Variants in SVIL observed in about 807,000 individuals in gnomAD.
The protein encoded by SVIL is archvillin.
Under a neutral mutation model 240.4 loss-of-function variants are expected in SVIL, and 101 were observed. That is an observed-to-expected ratio of 0.42 (90% CI 0.36 to 0.50). The LOEUF is 0.50. SVIL is among the 20% of genes least tolerant of loss of function. The pLI is 0.01. For synonymous variants in SVIL, 999 were observed against 1,100.0 expected (o/e 0.91, Z 1.82); for missense variants, 2,512 against 2,818.7 (o/e 0.89, Z 2.46).
At chr10:29,459,072 CCTG>C (rs1943916267) in intron 36 of SVIL, among the ~76,000 whole-genome samples, 1 of 150,224 alleles carries the variant, frequency 6.7e-6, no homozygotes, top group Non-Finnish European at 1.5e-5. Context: ...AAGCGATCCT[CCTG>C]CTGGGATTAC....
chr10:29,539,189 A>AAAT (rs1951959539), intron 6 of SVIL, among the ~76,000 whole-genome samples: 1 of 152,026 alleles, frequency 6.6e-6, no homozygotes, highest in African/African-American at 2.4e-5. Flanking sequence ...ATAAATAAAT[A>AAAT]AATAAATAAA....
chr10:29,657,328 G>A (rs149899731), intron 3 of SVIL, among the ~76,000 whole-genome samples: 2 of 152,274 alleles, frequency 1.3e-5, no homozygotes, highest in East Asian at 3.9e-4. Flanking sequence ...ATAGTTCCAT[G>A]GAACTCTGGT....
chr10:29,668,230 G>A (rs1304724249), intron 2 of SVIL, among the ~76,000 whole-genome samples: 1 of 152,132 alleles, frequency 6.6e-6, no homozygotes, highest in Non-Finnish European at 1.5e-5. Context: ...ACCAGAGTGA[G>A]ACCCTGTCTC....
At chr10:29,462,580 C>T (rs1445298933) in intron 35 of SVIL, among the ~76,000 whole-genome samples, 179 bp from the exon 36 acceptor site, 3 of 152,222 alleles carry the variant, frequency 2.0e-5, no homozygotes, top group East Asian at 1.9e-4. Context: ...TAGTTTCATG[C>T]CTGTGACTAC....
intron 2 of SVIL, among the ~76,000 whole-genome samples, chr10:29,566,980 C>T (rs1955025792): frequency 6.6e-6 from 1 of 152,198 alleles, no homozygotes; most frequent in African/African-American, 2.4e-5. Context: ...TCCATAGATA[C>T]TAAAGTTAGT....
At chr10:29,728,456 C>T (rs999954769) in intron 1 of SVIL, among the ~76,000 whole-genome samples, 2 of 152,144 alleles carry the variant, frequency 1.3e-5, no homozygotes, top group African/African-American at 2.4e-5. Context: ...TACATAAAAA[C>T]TTTGATAGGG....
chr10:29,525,730 T>A (rs1391556149), intron 13 of SVIL, among the ~76,000 whole-genome samples: 1 of 152,188 alleles, frequency 6.6e-6, no homozygotes, highest in Non-Finnish European at 1.5e-5. Context: ...ATGCACTATA[T>A]CTTCTGTCCC....
At position 29,554,889 on chromosome 10, in the gene SVIL, A is replaced by G. The variant is rs1377635958; in HGVS notation, c.54T>C (p.Thr18=). 2.5e-6 allele frequency: 4 copies of G among 1,613,612 alleles called. No individual in the cohort carries two copies. The highest frequency in any genetic ancestry group is 2.2e-5 in the East Asian group (1 of 44,850). ...ARRLEGIEND[T]QPILLQSCTG... ...TGCAGCTCTGCAAGAGGATGGGCTG[A>G]GTGTCATTTTCAATCCCTTCCAGGC... is the stretch of plus-strand genomic sequence containing the variant. Residue 18 remains threonine (T), a synonymous_variant, in exon 5 of 38, where the codon ACT becomes ACC. Transcript: ENST00000355867.
intron 1 of SVIL, among the ~76,000 whole-genome samples, chr10:29,712,994 T>G (rs1963392585): frequency 6.6e-6 from 1 of 152,052 alleles, no homozygotes; most frequent in African/African-American, 2.4e-5. Flanking sequence ...CTGGCCAACA[T>G]GGTGAAACCC....
chr10:29,553,449 C>T lies in SVIL; in HGVS notation c.160+1334G>A, dbSNP rs552820766. The stretch of plus-strand genomic sequence containing the variant: ...CAAAAAAATTAGCCCGGTATGGTGG[C>T]GGGCACCTGTAATCCCAGCTACTCC... On this transcript the variant is annotated intron_variant, in intron 5 of 37. Coordinates refer to ENST00000355867, the MANE Select transcript of SVIL (RefSeq NM_021738.3). Among the ~76,000 whole-genome samples, 15 of 152,124 alleles carry T rather than the reference C, an allele frequency of 9.9e-5. No homozygotes were observed. The South Asian group carries it at 1.5e-3, about 15-fold the overall frequency.
chr10:29,645,719 G>C (rs1379456246), intron 3 of SVIL, among the ~76,000 whole-genome samples: 1 of 152,210 alleles, frequency 6.6e-6, no homozygotes, highest in Non-Finnish European at 1.5e-5. Context: ...CTCCCATAGA[G>C]ACTCAGGCCA....
intron 1 of SVIL, among the ~76,000 whole-genome samples, chr10:29,633,631 C>T (rs1432535099): frequency 2.0e-5 from 3 of 151,674 alleles, no homozygotes; most frequent in Non-Finnish European, 4.4e-5. Flanking sequence ...ACTGCCCGTA[C>T]TTGTCCATCT....
At chr10:29,598,032 C>T (rs961914921) in intron 1 of SVIL, among the ~76,000 whole-genome samples, 6 of 152,016 alleles carry the variant, frequency 3.9e-5, no homozygotes, top group Non-Finnish European at 5.9e-5. Context: ...GTCAACAAAA[C>T]GTGGTGTATC....
At chr10:29,604,699 G>T (rs1956952662) in intron 1 of SVIL, among the ~76,000 whole-genome samples, 1 of 151,844 alleles carries the variant, frequency 6.6e-6, no homozygotes, top group South Asian at 2.1e-4. Context: ...GAAGTAGCTA[G>T]GTCTACAGGT....
At chr10:29,557,887 A>G (rs537409280) in intron 3 of SVIL, among the ~76,000 whole-genome samples, 17 of 152,322 alleles carry the variant, frequency 1.1e-4, no homozygotes, top group African/African-American at 3.6e-4. Flanking sequence ...GAGAGCTCCC[A>G]GATCACTATG....
chr10:29,653,934 C>T (rs1415105797), intron 3 of SVIL, among the ~76,000 whole-genome samples: 1 of 152,048 alleles, frequency 6.6e-6, no homozygotes, highest in East Asian at 1.9e-4. Flanking sequence ...AATACCAGTA[C>T]CACACTATCT....
At chr10:29,705,229 C>A (rs946144787) in intron 1 of SVIL, among the ~76,000 whole-genome samples, 5 of 152,146 alleles carry the variant, frequency 3.3e-5, no homozygotes, top group Non-Finnish European at 7.4e-5. Context: ...TAAATATTAA[C>A]TTTATTCACG....
chr10:29,728,676 T>C (rs1964428863), intron 1 of SVIL, among the ~76,000 whole-genome samples: 1 of 152,096 alleles, frequency 6.6e-6, no homozygotes, highest in Non-Finnish European at 1.5e-5. Context: ...AGCCATGTAT[T>C]GGAAACCCTG....
intron 2 of SVIL, among the ~76,000 whole-genome samples, chr10:29,669,534 G>C (rs779402451): frequency 3.9e-5 from 6 of 152,154 alleles, no homozygotes; most frequent in Non-Finnish European, 7.3e-5. Flanking sequence ...CACTGTAGTT[G>C]CTCTGAGGAA....
Sources: gnomAD v4.1 joint callset for allele counts (sites outside exome capture counted in the v4.1 genomes callset) on GRCh38, gnomAD v4.1.1 for gene constraint, MANE v1.5 for transcripts, NCBI Gene and HGNC (gene_info 2026-07-23, HGNC 2026-07-21) for gene names.